The following RSRP1 variants were observed in gnomAD, a reference collection of about 807,000 sequenced individuals.
RSRP1 encodes the protein arginine/serine-rich protein 1.
A neutral mutation model predicts 33.0 loss-of-function variants in RSRP1; 37 were observed. That is an observed-to-expected ratio of 1.12 (90% CI 0.86 to 1.48). The LOEUF is 1.48. Ranked by LOEUF, RSRP1 falls within the 40% of genes most tolerant of loss-of-function variation. The pLI, the probability that RSRP1 is intolerant of heterozygous loss-of-function variation, is 0.00. For synonymous variants in RSRP1, 167 were observed against 158.7 expected (o/e 1.05, Z -0.40); for missense variants, 402 against 385.3 (o/e 1.04, Z -0.36).
At chr1:25,267,904 G>A (rs1239814469) in intron 1 of RSRP1, 1 of 132,522 alleles carries the variant, frequency 7.5e-6, no homozygotes, top group Non-Finnish European at 1.8e-5. Context: ...CAGCGCCCGG[G>A]CATGCGCAGA....
chr1:25,306,960 A>T, intron 1 of RSRP1: 1 of 479,940 alleles, frequency 2.1e-6, no homozygotes, highest in South Asian at 1.7e-5. Flanking sequence ...CTAGGTATAG[A>T]CCAAAGACAC....
intron 1 of RSRP1, among the ~76,000 whole-genome samples, chr1:25,268,136 C>T (rs376391881): frequency 3.0e-5 from 4 of 134,100 alleles, no homozygotes; most frequent in African/African-American, 1.0e-4. Flanking sequence ...CTATGGACTT[C>T]CCTGGTGCTG....
intron 1 of RSRP1, among the ~76,000 whole-genome samples, chr1:25,268,717 G>T (rs1369299405): frequency 5.4e-5 from 7 of 129,966 alleles, no homozygotes; most frequent in Admixed American, 2.2e-4. Flanking sequence ...GGAGGTTGAG[G>T]TGGGTGGATC....
intron 1 of RSRP1, among the ~76,000 whole-genome samples, chr1:25,312,165 C>A (rs2124038681): frequency 1.0e-5 from 1 of 96,808 alleles, no homozygotes; most frequent in African/African-American, 3.5e-5. Flanking sequence ...AGTAAAAGAT[C>A]ATTCTGAAGG....
intron 1 of RSRP1, among the ~76,000 whole-genome samples, chr1:25,286,585 G>A (rs1326701973): frequency 1.5e-5 from 2 of 134,028 alleles, no homozygotes; most frequent in African/African-American, 5.2e-5. Flanking sequence ...AGGAGATCGA[G>A]ACCATCCTGG....
At chr1:25,284,523 A>C in intron 1 of RSRP1, 2 of 1,356,172 alleles carry the variant, frequency 1.5e-6, no homozygotes, top group East Asian at 4.5e-5. Flanking sequence ...TACCACCCTA[A>C]ATCTCGTCTG....
In RSRP1 at chr1:25,318,621, A is replaced by T. The variant is rs760127836; in HGVS notation, c.-67+19357T>A. The stretch of plus-strand genomic sequence containing the variant: ...GAAAGAAAATATACATTCCATCCAG[A>T]ACTGTTCACCTTTATTCTACAAGCA... On this transcript the variant is annotated intron_variant, in intron 1 of 1. Coordinates refer to the RSRP1 transcript ENST00000561867. Among the ~76,000 whole-genome samples the T allele has an allele frequency of 3.8e-5, 5 of 131,960 alleles. 2 individuals carry two copies. The highest frequency in any genetic ancestry group is 9.0e-5 in the Non-Finnish European group (5 of 55,522). The allele number at this position is 131,960 out of a possible 152,430, so 86.6% of individuals were successfully genotyped here. A position where few individuals can be genotyped will look rare whatever the true frequency, so the allele number is the denominator to read the frequency against.
rs1164704674 is a variant in RSRP1, at chr1:25,242,444, G to C, written c.*145C>G. ...AGAGAAACCTAAAATGTTAATATTT[G>C]AGTGTTAAGTATTTACATCTTTTTG... On this transcript the variant is annotated 3_prime_UTR_variant, in exon 5 of 5. Coordinates refer to ENST00000243189, the MANE Select transcript of RSRP1 (RefSeq NM_020317.5). The C allele has an allele frequency of 3.5e-6, 2 of 570,930 alleles. No individual in the cohort carries two copies. The highest frequency in any genetic ancestry group is 2.7e-5 in the East Asian group (1 of 37,372). 35.4% of individuals were successfully genotyped at this position (570,930 alleles called of 1,614,324 possible).
rs552517041 is a variant in RSRP1 at position 25,318,587 on chromosome 1, A to C, written c.-67+19391T>G. 3.8e-4 allele frequency among the ~76,000 whole-genome samples: 49 copies of C among 129,660 alleles called. 10 individuals carry two copies. The highest frequency in any genetic ancestry group is 8.0e-4 in the Non-Finnish European group (44 of 54,760). 85.1% of individuals were successfully genotyped at this position (129,660 alleles called of 152,430 possible). A position where few individuals can be genotyped will look rare whatever the true frequency, so the allele number is the denominator to read the frequency against. Reference sequence around the variant, plus strand: ...TAGGTGACAGAGTGAGACTGTCTCAAAAAAAAAAGAAAGAAAATATACATT... The same window carrying C: ...TAGGTGACAGAGTGAGACTGTCTCACAAAAAAAAGAAAGAAAATATACATT... On this transcript the variant is annotated intron_variant, in intron 1 of 1. Coordinates refer to the RSRP1 transcript ENST00000561867.
Position 25,308,738 on chromosome 1 carries a change from C to G in RSRP1, c.-67+29240G>C, listed in dbSNP as rs1439474900. Among the ~76,000 whole-genome samples the G allele has an allele frequency of 4.7e-5, 6 of 127,992 alleles. 2 individuals carry two copies. The highest frequency in any genetic ancestry group is 1.1e-4 in the Non-Finnish European group (6 of 54,476). 84.0% of individuals were successfully genotyped at this position (127,992 alleles called of 152,430 possible). ...GAGTTGAGGACCAAGAAGCAGTTAT[C>G]CTCTTGCCTTTGCAGGACCCAGGCA... is the stretch of plus-strand genomic sequence containing the variant. On this transcript the variant is annotated intron_variant, in intron 1 of 1. Transcript: ENST00000561867.
chr1:25,298,757 C>T lies in RSRP1; in HGVS notation c.-67+39221G>A, dbSNP rs544756969. ...AGTGGAAAATACAACTCTCATGGAACGTCTGTTCCAGAAGGAAAGACTGCC... is the reference window on the plus strand; with the variant it reads ...AGTGGAAAATACAACTCTCATGGAATGTCTGTTCCAGAAGGAAAGACTGCC... On this transcript the variant is annotated intron_variant, in intron 1 of 1. Transcript: ENST00000561867. Among the ~76,000 whole-genome samples, 4 of 131,034 alleles carry T rather than the reference C, an allele frequency of 3.1e-5. 1 individual carries two copies. The highest frequency in any genetic ancestry group is 5.2e-5 in the African/African-American group (2 of 38,114). The allele number at this position is 131,034 out of a possible 152,430, so 86.0% of individuals were successfully genotyped here. A position where few individuals can be genotyped will look rare whatever the true frequency, so the allele number is the denominator to read the frequency against.
chr1:25,305,954 T>C lies in RSRP1; in HGVS notation c.-67+32024A>G, dbSNP rs560439876. 1.0e-3 allele frequency among the ~76,000 whole-genome samples: 134 copies of C among 131,870 alleles called. 20 individuals carry two copies. The highest frequency in any genetic ancestry group is 2.2e-3 in the African/African-American group (86 of 38,362). 86.5% of individuals were successfully genotyped at this position (131,870 alleles called of 152,430 possible). A position where few individuals can be genotyped will look rare whatever the true frequency, so the allele number is the denominator to read the frequency against. On this transcript the variant is annotated intron_variant, in intron 1 of 1. Coordinates refer to the RSRP1 transcript ENST00000561867. ...GATTCTAAGGAAGGAACCAGCCTGA[T>C]TGAATTTGCATATGTGTCCACATCT...
chr1:25,289,356 G>A (rs1199810848), intron 1 of RSRP1, among the ~76,000 whole-genome samples: 1 of 126,640 alleles, frequency 7.9e-6, no homozygotes, highest in South Asian at 2.4e-4. Context: ...CACCATGCCC[G>A]GGTAATTTTT....
At position 25,272,779 on chromosome 1, in the gene RSRP1, A is replaced by T. The variant is rs1222064092; in HGVS notation, c.-66-25750T>A. Reference sequence around the variant, plus strand: ...GGCCTGTGGTTCTCCAGGGGCACAGATGTTCCTTTCTACAAAATCCCAAGG... The same window carrying T: ...GGCCTGTGGTTCTCCAGGGGCACAGTTGTTCCTTTCTACAAAATCCCAAGG... On this transcript the variant is annotated intron_variant, in intron 1 of 1. Transcript: ENST00000561867. 2.3e-5 allele frequency: 30 copies of T among 1,332,802 alleles called. 6 individuals carry two copies. The Admixed American group carries it at 3.3e-4, about 14-fold the overall frequency. The allele number at this position is 1,332,802 out of a possible 1,614,324, so 82.6% of individuals were successfully genotyped here. A position where few individuals can be genotyped will look rare whatever the true frequency, so the allele number is the denominator to read the frequency against.
At chr1:25,316,217 A>T (rs1265530536) in intron 1 of RSRP1, among the ~76,000 whole-genome samples, 1 of 130,282 alleles carries the variant, frequency 7.7e-6, no homozygotes. Flanking sequence ...TCGTGGAAGT[A>T]TGTTCAAGGG....
At chr1:25,244,412 T>C in intron 3 of RSRP1, 17 of 1,289,408 alleles carry the variant, frequency 1.3e-5, no homozygotes, top group Non-Finnish European at 1.7e-5. Context: ...GAACATAAAC[T>C]TCAAATTAAA....
chr1:25,311,773 A>T (rs1412931079), intron 1 of RSRP1, among the ~76,000 whole-genome samples: 3 of 131,026 alleles, frequency 2.3e-5, no homozygotes, highest in Admixed American at 2.2e-4. Flanking sequence ...GCTGTGGTTC[A>T]GGTGGCCACA....
In RSRP1 at chr1:25,314,655, A is replaced by G. The variant is rs1360418519; in HGVS notation, c.-67+23323T>C. Among the ~76,000 whole-genome samples, 5 of 131,970 alleles carry G rather than the reference A, an allele frequency of 3.8e-5. 1 individual carries two copies. In the South Asian group the frequency reaches 9.3e-4, roughly 25 times the overall value. The allele number at this position is 131,970 out of a possible 152,430, so 86.6% of individuals were successfully genotyped here. A position where few individuals can be genotyped will look rare whatever the true frequency, so the allele number is the denominator to read the frequency against. On this transcript the variant is annotated intron_variant, in intron 1 of 1. Transcript: ENST00000561867. ...ATTACAGGCGCATGCCACCATGCCC[A>G]GCTAACTTCTGTATAGACAAAATAA...
Position 25,242,709 on chromosome 1 carries a change from TA to T in RSRP1, c.757-5del. 10 of 1,578,524 alleles carry T rather than the reference TA, an allele frequency of 6.3e-6. No individual in the cohort carries two copies. The highest frequency in any genetic ancestry group is 8.6e-6 in the Non-Finnish European group (10 of 1,160,280). ...GTATTGGCTTTGCTACAGAATTCTGTAAAAGAACAAATTCAGTCAGCTTCCC... is the reference window on the plus strand; with the variant it reads ...GTATTGGCTTTGCTACAGAATTCTGTAAAGAACAAATTCAGTCAGCTTCCC... On this transcript the variant is annotated splice_polypyrimidine_tract_variant and splice_region_variant and intron_variant, in intron 4 of 4. Coordinates refer to ENST00000243189, the MANE Select transcript of RSRP1 (RefSeq NM_020317.5).
Sources: allele counts gnomAD v4.1 joint callset (sites outside exome capture counted in the v4.1 genomes callset), GRCh38; gene constraint gnomAD v4.1.1; transcripts MANE v1.5; gene names NCBI Gene and HGNC (gene_info 2026-07-23, HGNC 2026-07-21).